BMS1: variants seen among roughly 807,000 people sequenced by gnomAD.
BMS1 encodes ribosome biogenesis protein BMS1 homolog.
Under a neutral mutation model 138.7 loss-of-function variants are expected in BMS1, and 53 were observed. That is an observed-to-expected ratio of 0.38 (90% CI 0.31 to 0.48). The LOEUF is 0.48. BMS1 is among the 20% of genes least tolerant of loss of function. The pLI is 0.97. For missense variants in BMS1, 1,360 were observed against 1,565.5 expected (o/e 0.87, Z 2.22); for synonymous variants, 504 against 539.9 (o/e 0.93, Z 0.92).
intron 11 of BMS1, among the ~76,000 whole-genome samples, chr10:42,797,891 C>T (rs2132321073): frequency 6.6e-6 from 1 of 152,238 alleles, no homozygotes; most frequent in Non-Finnish European, 1.5e-5. Context: ...TTTGTTCTCC[C>T]TTTTGCCCTT....
At chr10:42,785,722 AG>A in intron 3 of BMS1, 50 bp downstream of exon 3, 1 of 1,572,662 alleles carries the variant, frequency 6.4e-7, no homozygotes. Flanking sequence ...TTGTCATCTG[AG>A]GGACATGCAT....
intron 21 of BMS1, among the ~76,000 whole-genome samples, chr10:42,826,237 TTGTGTGTGTGTGTGTGTG>T (rs35886214): frequency 1.3e-4 from 19 of 145,764 alleles, no homozygotes; most frequent in East Asian, 4.1e-4. Flanking sequence ...TTTTTGTTTG[TTGTGTGTGTGTGTGTGTG>T]TGTGTGTGTG....
intron 13 of BMS1, among the ~76,000 whole-genome samples, chr10:42,805,489 A>G: frequency 6.6e-6 from 1 of 152,210 alleles, no homozygotes; most frequent in East Asian, 1.9e-4. Flanking sequence ...ATTTTCATAT[A>G]AATTTTAAGA....
At position 42,784,475 on chromosome 10, in the gene BMS1, G is replaced by A. The variant is rs1157562826; in HGVS notation, c.81G>A (p.Gln27=). 3 of 1,613,830 alleles carry A rather than the reference G, an allele frequency of 1.9e-6. No individual in the cohort carries two copies. In the Admixed American group the frequency reaches 5.0e-5, roughly 27 times the overall value. ...KAAKKKKRLL[Q]DLQLGDEEDA... ...CAAAGAAAAAGAAGCGGCTTCTGCA[G>A]GATCTCCAGCTAGGAGACGAAGAAG... is the stretch of plus-strand genomic sequence containing the variant. Residue 27 remains glutamine, a synonymous_variant, in exon 2 of 23, where the codon CAG becomes CAA. Coordinates refer to ENST00000374518, the MANE Select transcript of BMS1 (RefSeq NM_014753.4).
intron 2 of BMS1, among the ~76,000 whole-genome samples, chr10:42,785,034 G>T (rs1383109156): frequency 1.3e-5 from 2 of 152,094 alleles, no homozygotes; most frequent in African/African-American, 4.8e-5. Context: ...CTCATTTTAT[G>T]GGTAAGAAAA....
rs775011124 is a variant in BMS1 at position 42,820,407 on chromosome 10, A to C, written c.2752A>C (p.Asn918His). The change falls in exon 16 of 23, where the codon AAT becomes CAT. Residue 918 changes from asparagine to histidine, a missense_variant. Coordinates refer to ENST00000374518, the MANE Select transcript of BMS1 (RefSeq NM_014753.4). ...ILGGLGNSEG[N>H]VGYVQMRLKK... Reference sequence around the variant, plus strand: ...GGGTGGCTTGGGCAACAGTGAGGGAAATGTTGGCTACGTGCAGGTGGGTCC... The same window carrying C: ...GGGTGGCTTGGGCAACAGTGAGGGACATGTTGGCTACGTGCAGGTGGGTCC... 1 of 1,613,714 alleles carries C rather than the reference A, an allele frequency of 6.2e-7. No homozygotes were observed. Among genetic ancestry groups the C allele is most frequent in the South Asian group, 1.1e-5 (1 of 91,056 alleles).
At chr10:42,800,690 C>A (rs1275467909) in intron 12 of BMS1, among the ~76,000 whole-genome samples, 5 of 151,972 alleles carry the variant, frequency 3.3e-5, no homozygotes, top group Non-Finnish European at 7.4e-5. Flanking sequence ...CTAGGCCCAG[C>A]TAATTTTTTT....
At chr10:42,808,739 A>T (rs1177625887) in intron 13 of BMS1, among the ~76,000 whole-genome samples, 1 of 152,102 alleles carries the variant, frequency 6.6e-6, no homozygotes, top group Non-Finnish European at 1.5e-5. Flanking sequence ...TTCGCCTGCA[A>T]TTGTATAATT....
rs564212866 is a variant in BMS1 at position 42,811,802 on chromosome 10, G to A, written c.2330-4797G>A. On this transcript the variant is annotated intron_variant, in intron 13 of 22. Coordinates refer to ENST00000374518, the MANE Select transcript of BMS1 (RefSeq NM_014753.4). ...GCCTCCCAAAGTGCTGGGATTACAG[G>A]CGTGAGCCACCGCGCCCGGCCTCAC... Among the ~76,000 whole-genome samples the A allele has an allele frequency of 2.6e-5, 4 of 152,092 alleles. No homozygotes were observed. In the South Asian group the frequency reaches 8.3e-4, roughly 32 times the overall value.
chr10:42,788,378 A>G (rs1419507064), intron 4 of BMS1, among the ~76,000 whole-genome samples: 1 of 152,226 alleles, frequency 6.6e-6, no homozygotes, highest in African/African-American at 2.4e-5. Context: ...ATGGATACAT[A>G]ATAGTTATAC....
At chr10:42,809,554 C>T (rs1842108727) in intron 13 of BMS1, among the ~76,000 whole-genome samples, 5 of 152,068 alleles carry the variant, frequency 3.3e-5, no homozygotes, top group African/African-American at 1.2e-4. Flanking sequence ...AGCGACCATG[C>T]CTGGCCTTCT....
intron 14 of BMS1, among the ~76,000 whole-genome samples, 188 bp from the exon 15 acceptor site, chr10:42,817,130 G>A (rs190959138): frequency 4.8e-4 from 73 of 152,320 alleles, no homozygotes; most frequent in Middle Eastern, 3.4e-3. Context: ...TAATGCAGAT[G>A]TAACCATTTC....
At chr10:42,789,553 T>C (rs1841439344) in intron 4 of BMS1, among the ~76,000 whole-genome samples, 1 of 152,104 alleles carries the variant, frequency 6.6e-6, no homozygotes. Flanking sequence ...CTCATCTGCT[T>C]ATATTTTCTT....
intron 9 of BMS1, 131 bp from the exon 10 acceptor site, chr10:42,796,343 C>G (rs1257073849): frequency 2.7e-6 from 3 of 1,099,650 alleles, no homozygotes; most frequent in African/African-American, 1.6e-5. Context: ...CATATTTTCC[C>G]TATGCTATGT....
intron 13 of BMS1, among the ~76,000 whole-genome samples, chr10:42,810,658 A>G (rs1346635628): frequency 1.3e-5 from 2 of 152,164 alleles, no homozygotes; most frequent in Non-Finnish European, 2.9e-5. Context: ...GCTCTTAATT[A>G]CAAATTTTAT....
intron 5 of BMS1, 130 bp downstream of exon 5, chr10:42,790,641 C>T (rs936295064): frequency 1.9e-6 from 2 of 1,046,986 alleles, no homozygotes; most frequent in African/African-American, 3.2e-5. Flanking sequence ...ATCACTTGAG[C>T]CTAGAGTTTT....
chr10:42,797,016 A>G lies in BMS1; in HGVS notation c.1772A>G (p.Glu591Gly). 6.2e-7 allele frequency: 1 copy of G among 1,614,188 alleles called. No homozygotes were observed. The highest frequency in any genetic ancestry group is 8.5e-7 in the Non-Finnish European group (1 of 1,180,004). ...ACAGCTGAAGAGGTGTTTGCATCTGAAGATGAATCTGAAGAAAGCTCCTCA... is the reference window on the plus strand; with the variant it reads ...ACAGCTGAAGAGGTGTTTGCATCTGGAGATGAATCTGAAGAAAGCTCCTCA... ...HCTAEEVFASEDESEESSSLS... is the reference protein window; with the variant it reads ...HCTAEEVFASGDESEESSSLS... Residue 591 changes from glutamate to glycine, a missense_variant, in exon 10 of 23, where the codon GAA becomes GGA. This residue lies in a region of BMS1 where 697 missense variants were observed against 686.2 expected (regional missense o/e 1.02). Transcript: ENST00000374518.
Position 42,820,407 on chromosome 10 carries a change from A to G in BMS1, c.2752A>G (p.Asn918Asp), listed in dbSNP as rs775011124. 5.0e-6 allele frequency: 8 copies of G among 1,613,596 alleles called. No homozygotes were observed. Among genetic ancestry groups the G allele is most frequent in the Admixed American group, 3.3e-5 (2 of 59,990 alleles). The stretch of plus-strand genomic sequence containing the variant: ...GGGTGGCTTGGGCAACAGTGAGGGA[A>G]ATGTTGGCTACGTGCAGGTGGGTCC... ...ILGGLGNSEG[N>D]VGYVQMRLKK... Residue 918 changes from asparagine (N) to aspartate (D), a missense_variant, in exon 16 of 23, where the codon AAT becomes GAT. Physicochemically the swap from Asn to Asp is conservative, Grantham distance 23 (BLOSUM62 1). Transcript: ENST00000374518.
At position 42,820,564 on chromosome 10, in the gene BMS1, C is replaced by T. The variant is rs61738466; in HGVS notation, c.2826C>T (p.Ile942=). The change falls in exon 17 of 23, where the codon ATC becomes ATT. Residue 942 remains isoleucine, a synonymous_variant. Transcript: ENST00000374518. The part of the protein sequence containing the change: ...YKKILKSRDP[I]IFSVGWRRFQ... ...AAATCCTCAAGTCCCGAGATCCAATCATATTTTCTGTAGGGTGGAGGAGGT... is the reference window on the plus strand; with the variant it reads ...AAATCCTCAAGTCCCGAGATCCAATTATATTTTCTGTAGGGTGGAGGAGGT... 4.1e-3 allele frequency: 6,665 copies of T among 1,611,448 alleles called. 21 individuals are homozygous for T. The highest frequency in any genetic ancestry group is 0.013 in the Middle Eastern group (59 of 4,430).
Sources: gnomAD v4.1 joint callset for allele counts (sites outside exome capture counted in the v4.1 genomes callset) on GRCh38, gnomAD v4.1.1 for gene constraint, gnomAD v4.1.1 regional missense constraint, MANE v1.5 for transcripts, NCBI Gene and HGNC (gene_info 2026-07-23, HGNC 2026-07-21) for gene names.